The following MGAT5B variants were observed in gnomAD, a reference collection of about 807,000 sequenced individuals.
MGAT5B encodes alpha-1,6-mannosylglycoprotein 6-beta-N-acetylglucosaminyltransferase B, also known as N-acetylglucosaminyl-transferase Vb.
MGAT5B carries 54 observed loss-of-function variants against 95.1 expected under a neutral mutation model. The observed-to-expected ratio is 0.57, with a 90% CI of 0.46 to 0.71. The LOEUF (loss-of-function observed/expected upper bound fraction) is 0.71, where lower values mean the gene tolerates loss of function less well. Among genes scored for constraint, MGAT5B ranks in the 30% least tolerant of loss-of-function variants. The pLI is 0.00. For missense variants in MGAT5B, 935 were observed against 1,088.6 expected, an observed-to-expected ratio of 0.86 and a Z score of 1.99; for synonymous variants, 464 against 451.0, an observed-to-expected ratio of 1.03 and a Z score of -0.36.
In MGAT5B at chr17:76,940,696, C is replaced by G. The variant is rs374435006; in HGVS notation, c.1732-36C>G. On this transcript the variant is annotated intron_variant, in intron 14 of 17. Transcript: ENST00000569840. This position sits in a 1 kb window ranked among gnomAD's most constrained non-coding sequence, Gnocchi z 4.3. ...TCTTTGTCCCTGTCCCACTGGCAGG[C>G]ACGGGGGGCATCTGCAATCTCTGTA... The G allele has an allele frequency of 3.7e-6, 6 of 1,605,492 alleles. No homozygotes were observed. The highest frequency in any genetic ancestry group is 5.1e-6 in the Non-Finnish European group (6 of 1,172,846).
chr17:76,896,775 G>A (rs1227084304), intron 3 of MGAT5B, among the ~76,000 whole-genome samples: 3 of 152,136 alleles, frequency 2.0e-5, no homozygotes, highest in East Asian at 1.9e-4. Flanking sequence ...CTGACCCAGC[G>A]CTTGAAACTC....
intron 8 of MGAT5B, chr17:76,913,851 C>T: frequency 2.2e-6 from 1 of 452,296 alleles, no homozygotes; most frequent in Non-Finnish European, 4.5e-6. Context: ...CGGCTCACTC[C>T]TGTAATCCCA....
rs1405678969 is a variant in MGAT5B at position 76,947,962 on chromosome 17, G to A, written c.2056G>A (p.Ala686Thr). ...TSLAPGAWPPAHALRAWLAVP... is the reference protein window; with the variant it reads ...TSLAPGAWPPTHALRAWLAVP... ...CTTGGCTCCTGGGGCCTGGCCCCCC[G>A]CGCACGCCCTGCGGGCCTGGCTGGC... The change falls in exon 17 of 18, where the codon GCG becomes ACG. Residue 686 changes from alanine to threonine, a missense_variant. By Grantham distance (58) the Ala-to-Thr change is moderately conservative. This residue lies in a region of MGAT5B where 440 missense variants were observed against 523.6 expected (regional missense o/e 0.84). Coordinates refer to ENST00000569840, the MANE Select transcript of MGAT5B (RefSeq NM_001199172.2). 1.7e-5 allele frequency: 28 copies of A among 1,612,074 alleles called. No individual in the cohort carries two copies. Among genetic ancestry groups the A allele is most frequent in the Admixed American group, 1.0e-4 (6 of 59,868 alleles).
chr17:76,933,384 G>A, intron 12 of MGAT5B, 87 bp downstream of exon 12: 2 of 1,539,860 alleles, frequency 1.3e-6, no homozygotes, highest in South Asian at 1.1e-5. Flanking sequence ...TCCTTGTGAT[G>A]TTCTCCTGAC....
At chr17:76,888,232 A>G (rs573523895) in intron 3 of MGAT5B, among the ~76,000 whole-genome samples, 103 of 152,086 alleles carry the variant, frequency 6.8e-4, no homozygotes, top group Non-Finnish European at 1.3e-3. Flanking sequence ...GGAGCTCTGG[A>G]TGGGCCAAGG....
chr17:76,873,335 G>A (rs912804437), intron 2 of MGAT5B, among the ~76,000 whole-genome samples: 3 of 152,224 alleles, frequency 2.0e-5, no homozygotes, highest in Admixed American at 2.0e-4. Context: ...GTGGCCATGT[G>A]GGAACGGGCC....
At chr17:76,923,427 C>G (rs113594989) in intron 8 of MGAT5B, among the ~76,000 whole-genome samples, 1 of 152,256 alleles carries the variant, frequency 6.6e-6, no homozygotes, top group East Asian at 1.9e-4. Context: ...TGGGCATCCC[C>G]GGGAGATGGG....
chr17:76,878,342 C>T (rs1967272375), intron 2 of MGAT5B, among the ~76,000 whole-genome samples: 1 of 152,126 alleles, frequency 6.6e-6, no homozygotes, highest in Non-Finnish European at 1.5e-5. Flanking sequence ...GCTCCTGAGC[C>T]CCTGGCACGG....
chr17:76,869,098 G>A lies in MGAT5B; in HGVS notation c.68+1G>A. The A allele has an allele frequency of 6.2e-7, 1 of 1,614,002 alleles. No homozygotes were observed. Reference sequence around the variant, plus strand: ...GCCTGGTCACCCTGAGACCCTTTCGGTAAAGTTCCCTCCTGGTTGGTTTTT... The same window carrying A: ...GCCTGGTCACCCTGAGACCCTTTCGATAAAGTTCCCTCCTGGTTGGTTTTT... On this transcript the variant is annotated splice_donor_variant, in intron 1 of 17. Coordinates refer to ENST00000569840, the MANE Select transcript of MGAT5B (RefSeq NM_001199172.2). LOFTEE classifies it high-confidence loss of function. The surrounding 1 kb of genome is among the most constrained non-coding windows in gnomAD (Gnocchi z 7.0).
At chr17:76,929,667 G>A (rs1250150782) in intron 10 of MGAT5B, among the ~76,000 whole-genome samples, 1 of 152,136 alleles carries the variant, frequency 6.6e-6, no homozygotes, top group African/African-American at 2.4e-5. Flanking sequence ...AGGGAAGAGG[G>A]AGGCTGGCCA....
In MGAT5B at chr17:76,872,835, T is replaced by G. The variant is rs1967057156; in HGVS notation, c.69-16T>G. On this transcript the variant is annotated splice_polypyrimidine_tract_variant and intron_variant, in intron 1 of 17. Transcript: ENST00000569840. Reference sequence around the variant, plus strand: ...GCCCTTCCTGCCCTCCTGACCCGCCTCCTTCCTCTCCGCAGGCTTTTTGTC... The same window carrying G: ...GCCCTTCCTGCCCTCCTGACCCGCCGCCTTCCTCTCCGCAGGCTTTTTGTC... The G allele has an allele frequency of 6.2e-7, 1 of 1,614,228 alleles. No homozygotes were observed. Among genetic ancestry groups the G allele is most frequent in the Non-Finnish European group, 8.5e-7 (1 of 1,180,038 alleles).
intron 3 of MGAT5B, among the ~76,000 whole-genome samples, chr17:76,896,264 T>C (rs1198322971): frequency 6.6e-6 from 1 of 152,196 alleles, no homozygotes; most frequent in East Asian, 1.9e-4. Flanking sequence ...GATTTGAAAA[T>C]AGAAAGGGCT....
chr17:76,898,687 A>G (rs143949620), intron 3 of MGAT5B, among the ~76,000 whole-genome samples: 3 of 151,914 alleles, frequency 2.0e-5, no homozygotes, highest in East Asian at 1.9e-4. Flanking sequence ...GTAGCTTAGT[A>G]TTTTTTTTAT....
At chr17:76,902,696 C>T in intron 4 of MGAT5B, 26 bp downstream of exon 4, 2 of 1,511,896 alleles carry the variant, frequency 1.3e-6, no homozygotes, top group Non-Finnish European at 1.8e-6. Context: ...CGGGGGTACC[C>T]TCTACCCCTA....
Position 76,925,074 on chromosome 17 carries a change from G to C in MGAT5B, c.1134G>C (p.Met378Ile), listed in dbSNP as rs200015788. The change falls in exon 9 of 18, where the codon ATG (methionine) becomes ATC (isoleucine). Residue 378 changes from methionine to isoleucine, a missense_variant. This residue lies in a region of MGAT5B where 243 missense variants were observed against 305.5 expected (regional missense o/e 0.80). Transcript: ENST00000569840. ...GCCTGCAGCAGATGAAGCGGCACAT[G>C]GGACTCTCCTTCAAGAAGTACCGGT... ...YHGLQQMKRH[M>I]GLSFKKYRCR... 4.0e-5 allele frequency: 64 copies of C among 1,611,390 alleles called. No individual in the cohort carries two copies. Among genetic ancestry groups the C allele is most frequent in the Non-Finnish European group, 5.3e-5 (63 of 1,179,328 alleles).
chr17:76,926,540 G>A, intron 9 of MGAT5B, 57 bp from the exon 10 acceptor site: 1 of 1,547,894 alleles, frequency 6.5e-7, no homozygotes, highest in Non-Finnish European at 8.7e-7. Context: ...GGCAACTTCA[G>A]CCCAGGGACA....
chr17:76,925,360 G>A (rs192760943), intron 9 of MGAT5B, among the ~76,000 whole-genome samples: 24 of 144,846 alleles, frequency 1.7e-4, no homozygotes, highest in Admixed American at 1.4e-3. Flanking sequence ...GCAGGAGGCC[G>A]GGGTCATCTA....
Position 76,930,010 on chromosome 17 carries a change from G to A in MGAT5B, c.1292-2635G>A, listed in dbSNP as rs1161272405. On this transcript the variant is annotated intron_variant, in intron 10 of 17. Coordinates refer to ENST00000569840, the MANE Select transcript of MGAT5B (RefSeq NM_001199172.2). This position sits in a 1 kb window ranked among gnomAD's most constrained non-coding sequence, Gnocchi z 4.1. ...GGGTGGCAGTCTTGGAGAAGCCAGA[G>A]GGGAGGGGAAGATGGTGCCGGACAG... Among the ~76,000 whole-genome samples the A allele has an allele frequency of 1.3e-5, 2 of 152,168 alleles. No homozygotes were observed. Among genetic ancestry groups the A allele is most frequent in the Non-Finnish European group, 2.9e-5 (2 of 68,028 alleles).
In MGAT5B at chr17:76,932,836, T is replaced by C. The variant is rs536693036; in HGVS notation, c.1422+61T>C. 132 of 1,585,918 alleles carry C rather than the reference T, an allele frequency of 8.3e-5. 1 individual carries two copies. In the African/African-American group the frequency reaches 1.7e-3, roughly 21 times the overall value. The stretch of plus-strand genomic sequence containing the variant: ...TGCTCGGCACAGGCCCCCGCCTGGG[T>C]CCCGCATCTCCTCCTTCCAGGATGC... On this transcript the variant is annotated intron_variant, in intron 11 of 17. Transcript: ENST00000569840.
Sources: gnomAD v4.1 joint callset for allele counts (sites outside exome capture counted in the v4.1 genomes callset) on GRCh38, gnomAD v4.1.1 for gene constraint, gnomAD v4.1.1 regional missense constraint, Gnocchi (gnomAD v3.1) non-coding constraint, MANE v1.5 for transcripts, NCBI Gene and HGNC (gene_info 2026-07-23, HGNC 2026-07-21) for gene names.